The following MYCT1 variants were observed in gnomAD, a reference collection of about 807,000 sequenced individuals.
MYCT1 encodes MYC target 1, also known as myc target protein 1.
A neutral mutation model predicts 15.0 loss-of-function variants in MYCT1; 12 were observed. That is an observed-to-expected ratio of 0.80 (90% CI 0.51 to 1.29). The LOEUF is 1.29. Among genes scored for constraint, MYCT1 ranks in the 50% most tolerant of loss-of-function variants. The probability of loss-of-function intolerance (pLI) is 0.00; values close to 1 mark genes in which losing one functional copy is unlikely to be tolerated. For synonymous variants in MYCT1, 104 were observed against 102.7 expected, an observed-to-expected ratio of 1.01 and a Z score of -0.07; for missense variants, 287 against 279.1, an observed-to-expected ratio of 1.03 and a Z score of -0.20.
chr6:152,717,201 CCT>C (rs1428767130), intron 1 of MYCT1, among the ~76,000 whole-genome samples: 2 of 152,012 alleles, frequency 1.3e-5, no homozygotes, highest in African/African-American at 4.8e-5. Context: ...GAAAACCACC[CCT>C]GTTATTTGAC....
At position 152,722,125 on chromosome 6, in the gene MYCT1, C is replaced by T. The variant is rs1034181147; in HGVS notation, c.580C>T (p.Pro194Ser). ...LVTLPSSNIS[P>S]TISTSHSLSR... ...GACTCTCCCTTCTTCCAATATCTCT[C>T]CCACCATCAGCACTTCCCACAGTCT... The change falls in exon 2 of 2, where the codon CCC becomes TCC. Residue 194 changes from proline to serine, a missense_variant. Pro to Ser is a moderately conservative substitution (Grantham distance 74, BLOSUM62 -1). Transcript: ENST00000367245. 1 of 1,614,190 alleles carries T rather than the reference C, an allele frequency of 6.2e-7. No homozygotes were observed. Among genetic ancestry groups the T allele is most frequent in the South Asian group, 1.1e-5 (1 of 91,084 alleles).
At chr6:152,729,166 T>C (rs1322563122), downstream of MYCT1, among the ~76,000 whole-genome samples, 1 of 152,148 alleles carries the variant, frequency 6.6e-6, no homozygotes, top group East Asian at 1.9e-4. Context: ...TCTAACAATA[T>C]CTGAAAACCG....
intron 1 of MYCT1, among the ~76,000 whole-genome samples, chr6:152,707,411 C>T (rs1328210476): frequency 3.9e-5 from 6 of 151,968 alleles, no homozygotes; most frequent in Admixed American, 6.6e-5. Context: ...GTTAACTTCT[C>T]ATCAGATATA....
chr6:152,726,396 T>TAAAAAA (rs55634200), downstream of MYCT1, among the ~76,000 whole-genome samples: 1 of 127,702 alleles, frequency 7.8e-6, no homozygotes, highest in African/African-American at 3.0e-5. Flanking sequence ...AAACTCTGTC[T>TAAAAAA]AAAAAAAAAA....
chr6:152,729,673 C>T, the MYCT1 span, among the ~76,000 whole-genome samples: 1 of 152,164 alleles, frequency 6.6e-6, no homozygotes, highest in South Asian at 2.1e-4. Context: ...ACTGCAGAGT[C>T]AAAACTCAGA....
chr6:152,728,913 T>C (rs1392402878), downstream of MYCT1, among the ~76,000 whole-genome samples: 1 of 151,932 alleles, frequency 6.6e-6, no homozygotes, highest in Non-Finnish European at 1.5e-5. Flanking sequence ...CTCAAATAAA[T>C]AGATAATAAA....
At chr6:152,746,271 C>T in the MYCT1 span, among the ~76,000 whole-genome samples, 23 of 152,312 alleles carry the variant, frequency 1.5e-4, no homozygotes, top group South Asian at 4.1e-4. Flanking sequence ...CCCCGGCAGA[C>T]GCCTGAAACC....
At chr6:152,716,260 C>T (rs985782671) in intron 1 of MYCT1, among the ~76,000 whole-genome samples, 8 of 152,126 alleles carry the variant, frequency 5.3e-5, no homozygotes, top group Non-Finnish European at 1.2e-4. Flanking sequence ...TTATTATAAT[C>T]AATCAAATTT....
chr6:152,705,877 T>C, intron 1 of MYCT1: 2 of 735,588 alleles, frequency 2.7e-6, no homozygotes, highest in African/African-American at 1.7e-5. Flanking sequence ...TCTTTGATTG[T>C]TGAGAAAATT....
At chr6:152,732,704 G>C in the MYCT1 span, among the ~76,000 whole-genome samples, 3 of 152,196 alleles carry the variant, frequency 2.0e-5, no homozygotes, top group African/African-American at 7.2e-5. Flanking sequence ...ATTACAGCAA[G>C]TGGCCTTATA....
the MYCT1 span, among the ~76,000 whole-genome samples, chr6:152,741,707 T>C: frequency 2.6e-5 from 4 of 152,206 alleles, no homozygotes; most frequent in South Asian, 6.2e-4. Flanking sequence ...ACTATTTTTG[T>C]TTTTAACAAG....
At chr6:152,726,589 G>A (rs566383007), downstream of MYCT1, among the ~76,000 whole-genome samples, 1 of 151,962 alleles carries the variant, frequency 6.6e-6, no homozygotes, top group Admixed American at 6.5e-5. Context: ...ATGCCAACTG[G>A]ACAGGGCACA....
In MYCT1 at chr6:152,721,798, T is replaced by C. The variant is rs1377515880; in HGVS notation, c.253T>C (p.Phe85Leu). 3 of 1,613,886 alleles carry C rather than the reference T, an allele frequency of 1.9e-6. No individual in the cohort carries two copies. The highest frequency in any genetic ancestry group is 2.5e-6 in the Non-Finnish European group (3 of 1,180,000). The change falls in exon 2 of 2, where the codon TTT (phenylalanine) becomes CTT (leucine). Residue 85 changes from phenylalanine (F) to leucine (L), a missense_variant. By Grantham distance (22) the Phe-to-Leu change is conservative. Coordinates refer to ENST00000367245, the MANE Select transcript of MYCT1 (RefSeq NM_025107.3). ...SMAIGLVLGG[F>L]IWAVFICLSR... ...GGCAATCGGGCTGGTACTTGGAGGA[T>C]TTATTTGGGCTGTGTTCATTTGTCT... is the stretch of plus-strand genomic sequence containing the variant.
chr6:152,725,421 C>T (rs1463815788), downstream of MYCT1, among the ~76,000 whole-genome samples: 1 of 152,150 alleles, frequency 6.6e-6, no homozygotes, highest in Non-Finnish European at 1.5e-5. Flanking sequence ...AAACAACACT[C>T]TAGTAGTTTT....
At chr6:152,700,887 T>G (rs1387580428) in intron 1 of MYCT1, among the ~76,000 whole-genome samples, 1 of 152,198 alleles carries the variant, frequency 6.6e-6, no homozygotes, top group Non-Finnish European at 1.5e-5. Context: ...TTTGCATTTA[T>G]TCACTTAATT....
chr6:152,707,615 T>A (rs200128026), intron 1 of MYCT1, among the ~76,000 whole-genome samples: 14,901 of 152,020 alleles, frequency 0.098, 1,305 homozygotes, highest in African/African-American at 0.23. Context: ...CTCTAGTAGT[T>A]TTTTGGGTTT....
At chr6:152,712,624 C>G (rs1304171417) in intron 1 of MYCT1, among the ~76,000 whole-genome samples, 1 of 16,218 alleles carries the variant, frequency 6.2e-5, no homozygotes, top group African/African-American at 1.1e-4. Flanking sequence ...TAGACCGGAG[C>G]TGTTCCTATT....
rs773225210 is a variant in MYCT1, at chr6:152,697,907, G to A, written c.5G>A (p.Arg2Gln). Residue 2 changes from arginine to glutamine, a missense_variant, in exon 1 of 2, where the codon CGA (arginine) becomes CAA (glutamine). By Grantham distance (43) the Arg-to-Gln change is conservative. Transcript: ENST00000367245. Reference sequence around the variant, plus strand: ...ATGATACACTTATTTCCTTTTATGCGAACACAAGTATATGAGGGGTTGTGT... The same window carrying A: ...ATGATACACTTATTTCCTTTTATGCAAACACAAGTATATGAGGGGTTGTGT... M[R>Q]TQVYEGLCKN... is the part of the protein sequence containing the mutation. 6 of 1,561,930 alleles carry A rather than the reference G, an allele frequency of 3.8e-6. No individual in the cohort carries two copies. Among genetic ancestry groups the A allele is most frequent in the South Asian group, 2.5e-5 (2 of 81,632 alleles).
the MYCT1 span, among the ~76,000 whole-genome samples, chr6:152,741,920 T>G: frequency 6.6e-5 from 10 of 152,162 alleles, no homozygotes; most frequent in African/African-American, 9.7e-5. Context: ...TAAGTTTTAT[T>G]TGAGAATAGG....
Sources: allele counts gnomAD v4.1 joint callset (sites outside exome capture counted in the v4.1 genomes callset), GRCh38; gene constraint gnomAD v4.1.1; transcripts MANE v1.5; gene names NCBI Gene and HGNC (gene_info 2026-07-23, HGNC 2026-07-21).